The following MTMR7 variants were observed in gnomAD, a reference collection of about 807,000 sequenced individuals.
MTMR7 encodes the protein myotubularin related protein 7.
MTMR7 carries 76 observed loss-of-function variants against 81.2 expected under a neutral mutation model. The ratio of observed to expected loss-of-function variants is 0.94; its 90% confidence interval spans 0.78 to 1.13. MTMR7 has a LOEUF of 1.13. MTMR7 is among the 50% of genes most tolerant of loss of function. The probability of loss-of-function intolerance (pLI) is 0.00; values close to 1 mark genes in which losing one functional copy is unlikely to be tolerated. For missense variants in MTMR7, 1,044 were observed against 820.0 expected, an observed-to-expected ratio of 1.27 and a Z score of -3.34; for synonymous variants, 372 against 289.8, an observed-to-expected ratio of 1.28 and a Z score of -2.88.
At chr8:17,366,882 T>C (rs1238235024) in intron 3 of MTMR7, among the ~76,000 whole-genome samples, 1 of 74,346 alleles carries the variant, frequency 1.3e-5, no homozygotes, top group African/African-American at 1.2e-4. Flanking sequence ...CGAGACTCCA[T>C]CTCAAAAAAA....
intron 1 of MTMR7, among the ~76,000 whole-genome samples, chr8:17,385,753 G>T (rs1421582082): frequency 6.6e-6 from 1 of 152,136 alleles, no homozygotes; most frequent in Non-Finnish European, 1.5e-5. Context: ...CTCCTACCAT[G>T]TAAGAAGTAT....
At chr8:17,323,530 C>T (rs756363577) in intron 7 of MTMR7, among the ~76,000 whole-genome samples, 5 of 152,068 alleles carry the variant, frequency 3.3e-5, no homozygotes, top group South Asian at 4.2e-4. Context: ...CTGGAAAGTC[C>T]GGCGTGGATG....
At chr8:17,322,180 C>G (rs1277894406) in intron 7 of MTMR7, among the ~76,000 whole-genome samples, 1 of 152,096 alleles carries the variant, frequency 6.6e-6, no homozygotes, top group African/African-American at 2.4e-5. Flanking sequence ...AAGCCAAGAT[C>G]CATAAGACAG....
intron 10 of MTMR7, 66 bp from the exon 11 acceptor site, chr8:17,306,023 C>CA (rs1405581519): frequency 7.6e-7 from 1 of 1,314,092 alleles, no homozygotes; most frequent in Non-Finnish European, 1.1e-6. Context: ...GCCATAAATG[C>CA]AAAAACAACC....
intron 1 of MTMR7, among the ~76,000 whole-genome samples, chr8:17,393,811 G>T (rs1321672656): frequency 1.3e-5 from 2 of 152,170 alleles, no homozygotes; most frequent in African/African-American, 4.8e-5. Context: ...GTTTATTAAT[G>T]TAACAAACCT....
At chr8:17,301,797 G>A (rs904420929) in intron 13 of MTMR7, 1 of 284,964 alleles carries the variant, frequency 3.5e-6, no homozygotes. Flanking sequence ...CTAAAAGTGG[G>A]GAAAGAGTTT....
intron 1 of MTMR7, among the ~76,000 whole-genome samples, chr8:17,390,143 C>T (rs529403952): frequency 1.9e-4 from 29 of 151,942 alleles, no homozygotes; most frequent in Non-Finnish European, 2.9e-4. Flanking sequence ...ATAACTGACA[C>T]TGGGTAATTT....
chr8:17,403,208 G>A (rs1234390512), intron 1 of MTMR7, among the ~76,000 whole-genome samples: 3 of 152,024 alleles, frequency 2.0e-5, no homozygotes, highest in African/African-American at 4.8e-5. Context: ...TTGTCTCTTT[G>A]CTTTGTTGGT....
At chr8:17,301,767 T>C in intron 13 of MTMR7, 1 of 225,518 alleles carries the variant, frequency 4.4e-6, no homozygotes, top group East Asian at 9.8e-5. Flanking sequence ...TATAGATTAA[T>C]ATCATAGTTA....
intron 1 of MTMR7, among the ~76,000 whole-genome samples, chr8:17,411,544 C>T (rs895890229): frequency 6.6e-6 from 1 of 152,174 alleles, no homozygotes; most frequent in African/African-American, 2.4e-5. Flanking sequence ...ATCCATCCAA[C>T]CTCTGTAATT....
chr8:17,403,085 A>T (rs534316264), intron 1 of MTMR7, among the ~76,000 whole-genome samples: 134 of 152,152 alleles, frequency 8.8e-4, no homozygotes, highest in African/African-American at 3.1e-3. Flanking sequence ...TCTATTTTTA[A>T]ATCAGATTAT....
At chr8:17,357,602 T>C (rs1819934333) in intron 4 of MTMR7, among the ~76,000 whole-genome samples, 1 of 152,228 alleles carries the variant, frequency 6.6e-6, no homozygotes, top group African/African-American at 2.4e-5. Flanking sequence ...AATGATGTTA[T>C]TTGAGAATAT....
chr8:17,299,687 C>G lies in MTMR7; in HGVS notation c.*175G>C. The G allele has an allele frequency of 1.3e-6, 1 of 770,706 alleles. No homozygotes were observed. Among genetic ancestry groups the G allele is most frequent in the Non-Finnish European group, 2.0e-6 (1 of 488,676 alleles). 47.7% of individuals were successfully genotyped at this position (770,706 alleles called of 1,614,324 possible). On this transcript the variant is annotated 3_prime_UTR_variant, in exon 14 of 14. Transcript: ENST00000180173. ...TATTTGATAAATGAAATGACTACGT[C>G]CTCTTCAGTATCTAAGAAATCAAGA... is the stretch of plus-strand genomic sequence containing the variant.
intron 7 of MTMR7, among the ~76,000 whole-genome samples, chr8:17,322,033 T>C (rs1318594148): frequency 1.3e-5 from 2 of 152,156 alleles, no homozygotes; most frequent in Non-Finnish European, 1.5e-5. Flanking sequence ...AAGTCTCCAT[T>C]TGAACCCTGT....
At chr8:17,389,754 C>T (rs537358961) in intron 1 of MTMR7, among the ~76,000 whole-genome samples, 115 of 151,470 alleles carry the variant, frequency 7.6e-4, no homozygotes, top group African/African-American at 2.7e-3. Context: ...AGAGCAGAGA[C>T]GGGGAAAAAA....
chr8:17,330,187 G>A (rs771422434), intron 7 of MTMR7, among the ~76,000 whole-genome samples: 4 of 152,194 alleles, frequency 2.6e-5, no homozygotes, highest in Non-Finnish European at 5.9e-5. Flanking sequence ...CTGATTAAAC[G>A]AAGAACGGCT....
intron 1 of MTMR7, among the ~76,000 whole-genome samples, chr8:17,404,199 G>C (rs1287357168): frequency 6.6e-6 from 1 of 152,134 alleles, no homozygotes; most frequent in African/African-American, 2.4e-5. Flanking sequence ...TAGGGTGGTA[G>C]GAACGGAGGT....
intron 8 of MTMR7, 188 bp from the exon 9 acceptor site, chr8:17,311,824 G>C: frequency 1.2e-6 from 1 of 803,976 alleles, no homozygotes; most frequent in Non-Finnish European, 1.9e-6. Flanking sequence ...GGCAGCTAAA[G>C]CTTTCCCTTC....
intron 1 of MTMR7, among the ~76,000 whole-genome samples, chr8:17,397,131 C>T (rs1300462518): frequency 6.6e-6 from 1 of 151,942 alleles, no homozygotes; most frequent in Non-Finnish European, 1.5e-5. Flanking sequence ...TCAGGGGAGC[C>T]CAGCACATTT....
Sources: allele counts gnomAD v4.1 joint callset (sites outside exome capture counted in the v4.1 genomes callset), GRCh38; gene constraint gnomAD v4.1.1; transcripts MANE v1.5; gene names NCBI Gene and HGNC (gene_info 2026-07-23, HGNC 2026-07-21).